STAT5B: variants seen among roughly 807,000 people sequenced by gnomAD.
STAT5B encodes transcription factor STAT5B.
A neutral mutation model predicts 107.8 loss-of-function variants in STAT5B; 21 were observed. The ratio of observed to expected loss-of-function variants is 0.19; its 90% CI spans 0.14 to 0.28. The LOEUF (loss-of-function observed/expected upper bound fraction) is 0.28. STAT5B is among the 10% of genes least tolerant of loss of function. The pLI is 1.00. For synonymous variants in STAT5B, 325 were observed against 401.7 expected, an observed-to-expected ratio of 0.81 and a Z score of 2.28; for missense variants, 565 against 1,008.2, an observed-to-expected ratio of 0.56 and a Z score of 5.95.
At chr17:42,279,651 G>A (rs542238341), upstream of STAT5B, among the ~76,000 whole-genome samples, 41 of 152,234 alleles carry the variant, frequency 2.7e-4, no homozygotes, top group African/African-American at 8.9e-4. Flanking sequence ...GCTGGGCATG[G>A]TGGTGCCATT....
intron 1 of STAT5B, among the ~76,000 whole-genome samples, chr17:42,265,259 T>C (rs2080657858): frequency 6.6e-6 from 1 of 152,156 alleles, no homozygotes; most frequent in African/African-American, 2.4e-5. Flanking sequence ...TCGCTTTTGG[T>C]GTTTTAGACA....
rs565758915 is a variant in STAT5B, at chr17:42,211,519, T to A, written c.1680+465A>T. ...GAAACTCTGTCTCAAAAAAAAAAAA[T>A]GAATAAAAATAAAATCAAAGTGACG... On this transcript the variant is annotated intron_variant, in intron 13 of 18. Transcript: ENST00000293328. 1.9e-3 allele frequency among the ~76,000 whole-genome samples: 285 copies of A among 149,636 alleles called. 3 individuals are homozygous for A. Among genetic ancestry groups the A allele is most frequent in the African/African-American group, 6.7e-3 (275 of 40,758 alleles).
At chr17:42,225,801 C>T (rs1475113071) in intron 3 of STAT5B, among the ~76,000 whole-genome samples, 3 of 152,108 alleles carry the variant, frequency 2.0e-5, no homozygotes, top group African/African-American at 7.2e-5. Flanking sequence ...GGATGCAGAA[C>T]CCATGGACAT....
intron 1 of STAT5B, among the ~76,000 whole-genome samples, chr17:42,241,178 A>G (rs1305444230): frequency 6.6e-6 from 1 of 151,668 alleles, no homozygotes; most frequent in African/African-American, 2.4e-5. Context: ...GTCTCTACTA[A>G]AAATACAAAA....
intron 1 of STAT5B, among the ~76,000 whole-genome samples, chr17:42,263,867 G>GCA (rs1491334005): frequency 1.7e-4 from 11 of 66,510 alleles, no homozygotes; most frequent in African/African-American, 7.1e-4. Context: ...ATACTAGAAA[G>GCA]CGCGCACACA....
chr17:42,202,662 G>T, intron 17 of STAT5B, 95 bp downstream of exon 17: 1 of 1,599,130 alleles, frequency 6.3e-7, no homozygotes, highest in Non-Finnish European at 8.6e-7. Flanking sequence ...GTTTCCCCGG[G>T]GGAGCGGAAA....
Position 42,264,906 on chromosome 17 carries a change from G to T in STAT5B, c.-11+11342C>A, listed in dbSNP as rs1207510235. Among the ~76,000 whole-genome samples the T allele has an allele frequency of 3.2e-5, 4 of 125,904 alleles. 1 individual carries two copies. In the South Asian group the frequency reaches 1.2e-3, roughly 37 times the overall value. 82.6% of individuals were successfully genotyped at this position (125,904 alleles called of 152,430 possible). On this transcript the variant is annotated intron_variant, in intron 1 of 18. Transcript: ENST00000293328. ...CTTTTTAATGATTGCCATTCTAACT[G>T]GTGTGAGATGGTATCTCATTGTGGT...
chr17:42,245,683 C>T (rs147952035), intron 1 of STAT5B, among the ~76,000 whole-genome samples: 3,184 of 152,044 alleles, frequency 0.021, 100 homozygotes, highest in African/African-American at 0.072. Context: ...CCACCATGCC[C>T]GGCTAATTTT....
intron 12 of STAT5B, among the ~76,000 whole-genome samples, chr17:42,212,841 C>T (rs541873915): frequency 3.3e-5 from 5 of 152,348 alleles, no homozygotes; most frequent in South Asian, 4.1e-4. Context: ...AAAGCACAGA[C>T]GGCTACACAG....
At chr17:42,258,786 A>G (rs113642041) in intron 1 of STAT5B, among the ~76,000 whole-genome samples, 66 of 152,366 alleles carry the variant, frequency 4.3e-4, no homozygotes, top group African/African-American at 1.4e-3. Context: ...TTTGTTCAGT[A>G]TTCCTCACAC....
At chr17:42,249,095 A>C (rs2080476583) in intron 1 of STAT5B, among the ~76,000 whole-genome samples, 1 of 152,242 alleles carries the variant, frequency 6.6e-6, no homozygotes, top group Admixed American at 6.5e-5. Context: ...GTCTCCATCT[A>C]AAAATAAGAT....
intron 3 of STAT5B, among the ~76,000 whole-genome samples, chr17:42,226,359 T>C (rs1173737421): frequency 1.3e-5 from 2 of 152,236 alleles, no homozygotes; most frequent in Non-Finnish European, 2.9e-5. Context: ...GGCTGGATTC[T>C]GGACTGCAGC....
chr17:42,283,766 C>T, the STAT5B span, among the ~76,000 whole-genome samples: 1 of 152,186 alleles, frequency 6.6e-6, no homozygotes, highest in African/African-American at 2.4e-5. Flanking sequence ...TCCCTAGGTC[C>T]TGATCTGTCT....
chr17:42,205,044 T>C (rs2080074910), intron 16 of STAT5B, among the ~76,000 whole-genome samples: 1 of 152,230 alleles, frequency 6.6e-6, no homozygotes, highest in African/African-American at 2.4e-5. Context: ...TTTCTTTTTT[T>C]TGAGGCAGAG....
chr17:42,248,273 CAAAAAAAAAAA>C (rs61401221), intron 1 of STAT5B, among the ~76,000 whole-genome samples: 38 of 69,186 alleles, frequency 5.5e-4, no homozygotes, highest in African/African-American at 1.8e-3. Flanking sequence ...AGATCTTGTC[CAAAAAAAAAAA>C]AAAAAAAAAA....
chr17:42,223,549 G>A lies in STAT5B; in HGVS notation c.383C>T (p.Ser128Phe). The A allele has an allele frequency of 1.9e-6, 3 of 1,614,156 alleles. No homozygotes were observed. Among genetic ancestry groups the A allele is most frequent in the African/African-American group, 2.7e-5 (2 of 75,038 alleles). The change falls in exon 5 of 19, where the codon TCT becomes TTT. Residue 128 changes from serine to phenylalanine, a missense_variant. By Grantham distance (155) the Ser-to-Phe change is radical (BLOSUM62 -2). Coordinates refer to ENST00000293328, the MANE Select transcript of STAT5B (RefSeq NM_012448.4). ...GGCATCAGCAAGGCTTCCAGCTGGAGAGCTACCCTGGGAACATATGGGGGG... is the reference window on the plus strand; with the variant it reads ...GGCATCAGCAAGGCTTCCAGCTGGAAAGCTACCCTGGGAACATATGGGGGG... ...RLVREANNGS[S>F]PAGSLADAMS...
chr17:42,253,567 G>T (rs1414918406), intron 1 of STAT5B, among the ~76,000 whole-genome samples: 2 of 152,210 alleles, frequency 1.3e-5, no homozygotes, highest in African/African-American at 4.8e-5. Flanking sequence ...AGGAAGGACT[G>T]AAAGAGTCTC....
chr17:42,209,103 T>A (rs1369517594), intron 15 of STAT5B, among the ~76,000 whole-genome samples: 2 of 150,018 alleles, frequency 1.3e-5, no homozygotes, highest in Non-Finnish European at 3.0e-5. Flanking sequence ...GATGTGATCA[T>A]GACTCACTGT....
chr17:42,232,146 C>T lies in STAT5B; in HGVS notation c.-10-9G>A. The T allele has an allele frequency of 6.2e-7, 1 of 1,613,412 alleles. No individual in the cohort carries two copies. The highest frequency in any genetic ancestry group is 2.2e-5 in the East Asian group (1 of 44,810). On this transcript the variant is annotated splice_polypyrimidine_tract_variant and intron_variant, in intron 1 of 18. Coordinates refer to ENST00000293328, the MANE Select transcript of STAT5B (RefSeq NM_012448.4). Reference sequence around the variant, plus strand: ...CAGCCATGGTTTACAATCTGTTGAACAAACAATCAGTGCTTTGGGCGTTTT... The same window carrying T: ...CAGCCATGGTTTACAATCTGTTGAATAAACAATCAGTGCTTTGGGCGTTTT...
Sources: gnomAD v4.1 joint callset for allele counts (sites outside exome capture counted in the v4.1 genomes callset) on GRCh38, gnomAD v4.1.1 for gene constraint, MANE v1.5 for transcripts, NCBI Gene and HGNC (gene_info 2026-07-23, HGNC 2026-07-21) for gene names.